The following DYNC1I1 variants were observed in gnomAD, a reference collection of about 807,000 sequenced individuals.
DYNC1I1 encodes the protein cytoplasmic dynein 1 intermediate chain 1.
A neutral mutation model predicts 86.6 loss-of-function variants in DYNC1I1; 43 were observed. The ratio of observed to expected loss-of-function variants is 0.50; its 90% CI spans 0.39 to 0.64. The LOEUF is 0.64. Ranked by LOEUF, DYNC1I1 falls within the 30% of genes least tolerant of loss-of-function variation. The pLI, the probability that DYNC1I1 is intolerant of heterozygous loss-of-function variation, is 0.00. For synonymous variants in DYNC1I1, 262 were observed against 283.7 expected, an observed-to-expected ratio of 0.92 and a Z score of 0.77; for missense variants, 604 against 788.8, an observed-to-expected ratio of 0.77 and a Z score of 2.81.
chr7:96,056,351 C>T (rs570850400), intron 14 of DYNC1I1, among the ~76,000 whole-genome samples: 2 of 152,242 alleles, frequency 1.3e-5, no homozygotes, highest in South Asian at 2.1e-4. Flanking sequence ...TTATGTTTAG[C>T]TTGATCTGTA....
At chr7:95,779,473 T>G (rs2115637038) in intron 1 of DYNC1I1, among the ~76,000 whole-genome samples, 1 of 152,358 alleles carries the variant, frequency 6.6e-6, no homozygotes, top group South Asian at 2.1e-4. Context: ...CTAAATACCA[T>G]AATTCTTTTT....
At chr7:95,865,949 C>T (rs1481891087) in intron 5 of DYNC1I1, among the ~76,000 whole-genome samples, 1 of 152,126 alleles carries the variant, frequency 6.6e-6, no homozygotes, top group Non-Finnish European at 1.5e-5. Flanking sequence ...GCAGCAGTAT[C>T]TGGGTGTACA....
intron 10 of DYNC1I1, 137 bp from the exon 11 acceptor site, chr7:96,028,038 T>G (rs542606937): frequency 7.8e-7 from 1 of 1,283,058 alleles, no homozygotes; most frequent in Admixed American, 2.2e-5. Flanking sequence ...TATGCACTTT[T>G]ACAGTCCCAG....
At position 95,825,304 on chromosome 7, in the gene DYNC1I1, G is replaced by A. The variant is rs138560959; in HGVS notation, c.315-2753G>A. Reference sequence around the variant, plus strand: ...TAAGTATCAGAAGAGCCAGACCATCGGGGAGCTGCTGGGAGAAGTGGAAAA... The same window carrying A: ...TAAGTATCAGAAGAGCCAGACCATCAGGGAGCTGCTGGGAGAAGTGGAAAA... On this transcript the variant is annotated intron_variant, in intron 4 of 16. Coordinates refer to ENST00000447467, the MANE Select transcript of DYNC1I1 (RefSeq NM_001135556.2). 1.9e-4 allele frequency among the ~76,000 whole-genome samples: 29 copies of A among 152,248 alleles called. No homozygotes were observed. In the East Asian group the frequency reaches 5.2e-3, roughly 27 times the overall value.
chr7:95,961,959 G>A (rs928633523), intron 6 of DYNC1I1, among the ~76,000 whole-genome samples: 4 of 152,140 alleles, frequency 2.6e-5, no homozygotes, highest in Admixed American at 1.3e-4. Flanking sequence ...ACTCTCTCCT[G>A]ACTTCACACC....
chr7:95,779,897 C>A (rs1182322481), intron 1 of DYNC1I1, among the ~76,000 whole-genome samples: 1 of 152,172 alleles, frequency 6.6e-6, no homozygotes, highest in East Asian at 1.9e-4. Flanking sequence ...GGAAGTCTTG[C>A]TTTCCTGAAT....
chr7:96,077,269 GTGTGTGT>G (rs1790371263), intron 15 of DYNC1I1, among the ~76,000 whole-genome samples: 1 of 151,836 alleles, frequency 6.6e-6, no homozygotes, highest in African/African-American at 2.4e-5. Context: ...GTGTGTGTGT[GTGTGTGT>G]GGGAGGGGGC....
chr7:95,977,455 C>G, intron 6 of DYNC1I1, 57 bp from the exon 7 acceptor site: 4 of 1,561,276 alleles, frequency 2.6e-6, no homozygotes, highest in South Asian at 1.2e-5. Context: ...CACTATCAAC[C>G]AAAGACTTTG....
intron 5 of DYNC1I1, among the ~76,000 whole-genome samples, chr7:95,837,330 G>A (rs1174839866): frequency 5.9e-5 from 9 of 152,128 alleles, no homozygotes; most frequent in Non-Finnish European, 7.4e-5. Context: ...CCCGTTCTCA[G>A]ATCTCCAGCT....
chr7:95,887,872 A>T lies in DYNC1I1; in HGVS notation c.490+17874A>T, dbSNP rs368721577. 4.6e-4 allele frequency among the ~76,000 whole-genome samples: 70 copies of T among 152,308 alleles called. No homozygotes were observed. The Middle Eastern group carries it at 0.01, about 22-fold the overall frequency. On this transcript the variant is annotated intron_variant, in intron 6 of 16. Coordinates refer to ENST00000447467, the MANE Select transcript of DYNC1I1 (RefSeq NM_001135556.2). ...TTTTCAGGAGAGTTTCCGTAGCTTTAATCAGACTCTCAAAGTTACCCATCT... is the reference window on the plus strand; with the variant it reads ...TTTTCAGGAGAGTTTCCGTAGCTTTTATCAGACTCTCAAAGTTACCCATCT...
intron 5 of DYNC1I1, among the ~76,000 whole-genome samples, chr7:95,841,686 T>G (rs1789285724): frequency 6.6e-6 from 1 of 152,090 alleles, no homozygotes; most frequent in Non-Finnish European, 1.5e-5. Context: ...GAAGGAGCTG[T>G]AGGAAGTGCC....
At chr7:96,035,903 A>G (rs1201257542) in intron 13 of DYNC1I1, 151 bp downstream of exon 13, 9 of 1,298,480 alleles carry the variant, frequency 6.9e-6, no homozygotes, top group Non-Finnish European at 9.6e-6. Flanking sequence ...AAAGAGCTGC[A>G]TCTGCTCTGG....
chr7:96,097,379 C>G, intron 16 of DYNC1I1, 104 bp from the exon 17 acceptor site: 1 of 1,235,246 alleles, frequency 8.1e-7, no homozygotes, highest in East Asian at 2.4e-5. Flanking sequence ...AGGGAAACAT[C>G]TGCTTTGGAG....
intron 14 of DYNC1I1, among the ~76,000 whole-genome samples, chr7:96,064,334 T>G (rs1472963905): frequency 6.6e-6 from 1 of 152,140 alleles, no homozygotes; most frequent in East Asian, 1.9e-4. Context: ...TATTTGTTTT[T>G]AATGAGATAC....
chr7:95,838,100 C>T (rs918841305), intron 5 of DYNC1I1, among the ~76,000 whole-genome samples: 1 of 152,172 alleles, frequency 6.6e-6, no homozygotes, highest in Non-Finnish European at 1.5e-5. Context: ...TCTAAAAAAT[C>T]ATTGCCAAGG....
chr7:96,051,635 T>C, intron 14 of DYNC1I1, among the ~76,000 whole-genome samples: 1 of 152,204 alleles, frequency 6.6e-6, no homozygotes, highest in East Asian at 1.9e-4. Flanking sequence ...GAATAAAATT[T>C]TCTAAGTGAC....
intron 14 of DYNC1I1, among the ~76,000 whole-genome samples, chr7:96,044,796 A>G (rs1163462262): frequency 6.6e-6 from 1 of 152,148 alleles, no homozygotes; most frequent in Non-Finnish European, 1.5e-5. Context: ...TACTGAAGGG[A>G]GCAGATTTCA....
intron 5 of DYNC1I1, among the ~76,000 whole-genome samples, chr7:95,850,736 A>G (rs140238017): frequency 1.5e-3 from 230 of 152,290 alleles, no homozygotes; most frequent in African/African-American, 5.1e-3. Flanking sequence ...AATTTCACAG[A>G]TAAACGATTC....
chr7:95,985,260 A>C (rs1793561686), intron 8 of DYNC1I1, among the ~76,000 whole-genome samples: 1 of 152,146 alleles, frequency 6.6e-6, no homozygotes, highest in African/African-American at 2.4e-5. Flanking sequence ...ATCCTCTGAG[A>C]AAACATTCTT....
Sources: allele counts gnomAD v4.1 joint callset (sites outside exome capture counted in the v4.1 genomes callset), GRCh38; gene constraint gnomAD v4.1.1; transcripts MANE v1.5; gene names NCBI Gene and HGNC (gene_info 2026-07-23, HGNC 2026-07-21).